Variants in UNKL observed in about 807,000 individuals in gnomAD.
UNKL encodes unk like zinc finger, also known as putative E3 ubiquitin-protein ligase UNKL.
In UNKL, 60 loss-of-function variants were observed where a neutral mutation model predicts 78.0. The ratio of observed to expected loss-of-function variants is 0.77; its 90% CI spans 0.63 to 0.95. The LOEUF is 0.95. Among genes scored for constraint, UNKL ranks in the 40% least tolerant of loss-of-function variants. The pLI is 0.00. For missense variants in UNKL, 1,159 were observed against 1,045.7 expected (o/e 1.11, Z -1.49); for synonymous variants, 608 against 474.8 (o/e 1.28, Z -3.65).
intron 8 of UNKL, among the ~76,000 whole-genome samples, chr16:1,390,988 C>A (rs2037022977): frequency 6.6e-6 from 1 of 151,980 alleles, no homozygotes; most frequent in Admixed American, 6.6e-5. Context: ...CGAGATGGCA[C>A]CATTGCACTC....
At chr16:1,386,579 A>G (rs2036820779) in intron 9 of UNKL, among the ~76,000 whole-genome samples, 1 of 152,206 alleles carries the variant, frequency 6.6e-6, no homozygotes. Flanking sequence ...ATCCTGAAAT[A>G]TTACAATTCA....
chr16:1,379,815 C>T, intron 10 of UNKL: 1 of 640,108 alleles, frequency 1.6e-6, no homozygotes, highest in Non-Finnish European at 1.9e-6. Flanking sequence ...GCACCCGGTC[C>T]CCGCGGCTCC....
At position 1,384,064 on chromosome 16, in the gene UNKL, T is replaced by A. The variant is rs113251340; in HGVS notation, c.1264+1144A>T. The A allele has an allele frequency of 1.5e-3, 277 of 190,422 alleles. 3 individuals carry two copies. The highest frequency in any genetic ancestry group is 5.3e-3 in the African/African-American group (232 of 43,948). The allele number at this position is 190,422 out of a possible 1,614,324, so 11.8% of individuals were successfully genotyped here. On this transcript the variant is annotated intron_variant, in intron 10 of 14. Coordinates refer to ENST00000389221, the MANE Select transcript of UNKL (RefSeq NM_001372107.1). Reference sequence around the variant, plus strand: ...ACCACCACAGGTGGCCTTCCCTGAGTCCCTCACTGTCACTGTCAGGACAGA... The same window carrying A: ...ACCACCACAGGTGGCCTTCCCTGAGACCCTCACTGTCACTGTCAGGACAGA...
chr16:1,364,567 C>G lies in UNKL; in HGVS notation c.*1673G>C, dbSNP rs2035082856. The G allele has an allele frequency of 6.6e-6, 1 of 152,296 alleles. No homozygotes were observed. Among genetic ancestry groups the G allele is most frequent in the Admixed American group, 6.5e-5 (1 of 15,292 alleles). 9.4% of individuals were successfully genotyped at this position (152,296 alleles called of 1,614,324 possible). ...CCAGCCCTGAGCAGAAGGGTCAGGTCATCGCGGGGATGCGTTCTCAGTCAC... is the reference window on the plus strand; with the variant it reads ...CCAGCCCTGAGCAGAAGGGTCAGGTGATCGCGGGGATGCGTTCTCAGTCAC... On this transcript the variant is annotated 3_prime_UTR_variant, in exon 15 of 15. Transcript: ENST00000389221.
In UNKL at chr16:1,367,058, G is replaced by C. The variant is rs995316574; in HGVS notation, c.2046+34C>G. 4.0e-6 allele frequency: 6 copies of C among 1,487,462 alleles called. No homozygotes were observed. The African/African-American group carries it at 6.9e-5, about 17-fold the overall frequency. 92.1% of individuals were successfully genotyped at this position (1,487,462 alleles called of 1,614,324 possible). A position where few individuals can be genotyped will look rare whatever the true frequency, so the allele number is the denominator to read the frequency against. The stretch of plus-strand genomic sequence containing the variant: ...ACAGGGACAGCAGCCCTGCAGGCAG[G>C]CTGGCCCCTCACCCTGCCCAGAGCA... On this transcript the variant is annotated intron_variant, in intron 14 of 14. Coordinates refer to ENST00000389221, the MANE Select transcript of UNKL (RefSeq NM_001372107.1).
At position 1,364,372 on chromosome 16, in the gene UNKL, C is replaced by A. The variant is rs562780634; in HGVS notation, c.*1868G>T. The A allele has an allele frequency of 2.6e-5, 4 of 152,228 alleles. No individual in the cohort carries two copies. Among genetic ancestry groups the A allele is most frequent in the African/African-American group, 9.6e-5 (4 of 41,460 alleles). The allele number at this position is 152,228 out of a possible 1,614,324, so 9.4% of individuals were successfully genotyped here. On this transcript the variant is annotated 3_prime_UTR_variant, in exon 15 of 15. Coordinates refer to ENST00000389221, the MANE Select transcript of UNKL (RefSeq NM_001372107.1). The stretch of plus-strand genomic sequence containing the variant: ...CTGATGATAAAGATTTTTACCTAGA[C>A]GTTTTGCACTTAAAAAATGCTATTA...
intron 4 of UNKL, 129 bp downstream of exon 4, chr16:1,401,439 G>A (rs1333722227): frequency 2.4e-6 from 3 of 1,232,760 alleles, no homozygotes; most frequent in South Asian, 2.3e-5. Context: ...TGGACTCCAC[G>A]AGCCTCGGTT....
At chr16:1,410,726 T>C (rs950777119) in intron 2 of UNKL, among the ~76,000 whole-genome samples, 1 of 152,122 alleles carries the variant, frequency 6.6e-6, no homozygotes, top group East Asian at 1.9e-4. Flanking sequence ...GGATCCCAGG[T>C]CTGGGCAGAT....
At chr16:1,396,084 G>A (rs2037247611) in intron 6 of UNKL, among the ~76,000 whole-genome samples, 1 of 151,566 alleles carries the variant, frequency 6.6e-6, no homozygotes, top group Non-Finnish European at 1.5e-5. Flanking sequence ...TGAGACTATA[G>A]GCGCGCACCA....
intron 2 of UNKL, among the ~76,000 whole-genome samples, chr16:1,411,083 G>A (rs1441243699): frequency 1.3e-5 from 2 of 152,120 alleles, no homozygotes; most frequent in African/African-American, 4.8e-5. Flanking sequence ...GTGTGTGGTG[G>A]CTCACACCTG....
chr16:1,383,611 T>C (rs1162408014), intron 10 of UNKL: 2 of 387,286 alleles, frequency 5.2e-6, no homozygotes, highest in East Asian at 7.4e-5. Flanking sequence ...TCGGCCTCCT[T>C]GGCCGGCATC....
chr16:1,411,470 T>G (rs996055206), intron 2 of UNKL, among the ~76,000 whole-genome samples: 2 of 152,088 alleles, frequency 1.3e-5, no homozygotes, highest in Non-Finnish European at 2.9e-5. Flanking sequence ...AGGTTCAAGT[T>G]GCAGTGAGCC....
At position 1,399,614 on chromosome 16, in the gene UNKL, TGCA is replaced by T. The variant is rs1182013882; in HGVS notation, c.599-108_599-106del. 1.7e-4 allele frequency: 257 copies of T among 1,505,984 alleles called. No homozygotes were observed. The highest frequency in any genetic ancestry group is 2.1e-4 in the Non-Finnish European group (237 of 1,123,418). 93.3% of individuals were successfully genotyped at this position (1,505,984 alleles called of 1,614,324 possible). ...TGGCTGTCCCCCAAATGGAAGGGGC[TGCA>T]GGAGGACTTGGGGAGCGCAGACACA... On this transcript the variant is annotated intron_variant, in intron 4 of 14. Coordinates refer to ENST00000389221, the MANE Select transcript of UNKL (RefSeq NM_001372107.1). This position sits in a 1 kb window ranked among gnomAD's most constrained non-coding sequence, Gnocchi z 5.8.
chr16:1,397,002 G>C, intron 6 of UNKL, 176 bp downstream of exon 6: 1 of 635,754 alleles, frequency 1.6e-6, no homozygotes, highest in Admixed American at 3.0e-5. Context: ...AGGCCAGCAA[G>C]CAAGACAAGC....
At chr16:1,398,681 A>ACCACC in intron 5 of UNKL, 12 of 694,532 alleles carry the variant, frequency 1.7e-5, no homozygotes, top group South Asian at 1.1e-4. Context: ...TGGGGTCTGC[A>ACCACC]CCCCCCCACC....
chr16:1,401,851 G>A lies in UNKL; in HGVS notation c.465-150C>T, dbSNP rs540202722. 3.9e-3 allele frequency: 4,244 copies of A among 1,098,754 alleles called. 6 individuals carry two copies. Among genetic ancestry groups the A allele is most frequent in the Non-Finnish European group, 4.6e-3 (3,703 of 805,278 alleles). 68.1% of individuals were successfully genotyped at this position (1,098,754 alleles called of 1,614,324 possible). A position where few individuals can be genotyped will look rare whatever the true frequency, so the allele number is the denominator to read the frequency against. ...ACGGAGTCTCAGTGTGTGGCGCTCC[G>A]CTGTCCTGGCCCGCAGTCCTCATCC... On this transcript the variant is annotated intron_variant, in intron 3 of 14. Coordinates refer to ENST00000389221, the MANE Select transcript of UNKL (RefSeq NM_001372107.1).
At chr16:1,383,722 G>A (rs1274680683) in intron 10 of UNKL, 2 of 403,558 alleles carry the variant, frequency 5.0e-6, no homozygotes, top group East Asian at 7.4e-5. Context: ...AGTCATTGCG[G>A]GTCTGGCCGC....
chr16:1,394,482 C>A lies in UNKL; in HGVS notation c.853-267G>T, dbSNP rs1053978255. On this transcript the variant is annotated intron_variant, in intron 6 of 14. Transcript: ENST00000389221. ...CCCATCACAGGCAAAGTCATTTCCCCGCTTGATATTTTCTGAAAGATGCAC... is the reference window on the plus strand; with the variant it reads ...CCCATCACAGGCAAAGTCATTTCCCAGCTTGATATTTTCTGAAAGATGCAC... The A allele has an allele frequency of 6.4e-5, 41 of 639,420 alleles. 1 individual carries two copies. In the Admixed American group the frequency reaches 8.6e-4, roughly 13 times the overall value. 39.6% of individuals were successfully genotyped at this position (639,420 alleles called of 1,614,324 possible). A position where few individuals can be genotyped will look rare whatever the true frequency, so the allele number is the denominator to read the frequency against.
At chr16:1,390,736 G>C (rs1445429330) in intron 8 of UNKL, 42 bp from the exon 9 acceptor site, 2 of 1,532,888 alleles carry the variant, frequency 1.3e-6, no homozygotes, top group South Asian at 2.4e-5. Flanking sequence ...AAGCAGGGAG[G>C]AAATGTAAAT....
Sources: allele counts gnomAD v4.1 joint callset (sites outside exome capture counted in the v4.1 genomes callset), GRCh38; gene constraint gnomAD v4.1.1; non-coding constraint Gnocchi (gnomAD v3.1); transcripts MANE v1.5; gene names NCBI Gene and HGNC (gene_info 2026-07-23, HGNC 2026-07-21).